Variants in AGTPBP1 observed in about 807,000 individuals in gnomAD.
AGTPBP1 encodes the protein cytosolic carboxypeptidase 1.
A neutral mutation model predicts 143.9 loss-of-function variants in AGTPBP1; 70 were observed. That is an observed-to-expected ratio of 0.49 (90% confidence interval 0.40 to 0.59). AGTPBP1 has a LOEUF of 0.59. Ranked by LOEUF, AGTPBP1 falls within the 20% of genes least tolerant of loss-of-function variation. AGTPBP1 has a pLI of 0.00. For synonymous variants in AGTPBP1, 463 were observed against 500.2 expected, an observed-to-expected ratio of 0.93 and a Z score of 0.99; for missense variants, 1,229 against 1,464.5, an observed-to-expected ratio of 0.84 and a Z score of 2.62.
chr9:85,789,364 A>G, the AGTPBP1 span, among the ~76,000 whole-genome samples: 2 of 152,186 alleles, frequency 1.3e-5, no homozygotes, highest in Non-Finnish European at 2.9e-5. Context: ...ACTTTTTCAC[A>G]TGCTTTTTCT....
At chr9:85,714,042 A>G (rs2134510184) in intron 1 of AGTPBP1, among the ~76,000 whole-genome samples, 1 of 152,346 alleles carries the variant, frequency 6.6e-6, no homozygotes, top group Admixed American at 6.5e-5. Flanking sequence ...GGATTTTACT[A>G]GAGTTGATAG....
intron 8 of AGTPBP1, among the ~76,000 whole-genome samples, chr9:85,662,124 G>A (rs2041787981): frequency 6.6e-6 from 1 of 152,060 alleles, no homozygotes; most frequent in South Asian, 2.1e-4. Flanking sequence ...CTAGGTGTAG[G>A]TAAAGGTAAA....
At chr9:85,751,767 C>T in the AGTPBP1 span, among the ~76,000 whole-genome samples, 3 of 151,902 alleles carry the variant, frequency 2.0e-5, no homozygotes, top group African/African-American at 7.2e-5. Context: ...GGCACACGCC[C>T]GGCTAATTTT....
At chr9:85,604,927 C>T (rs907887261) in intron 17 of AGTPBP1, among the ~76,000 whole-genome samples, 1 of 151,876 alleles carries the variant, frequency 6.6e-6, no homozygotes, top group Non-Finnish European at 1.5e-5. Context: ...TATTTGAAAA[C>T]ACACAGAGAA....
chr9:85,591,258 G>C (rs1828946916), intron 19 of AGTPBP1, among the ~76,000 whole-genome samples: 2 of 151,818 alleles, frequency 1.3e-5, no homozygotes, highest in Non-Finnish European at 2.9e-5. Flanking sequence ...CACACAAAGG[G>C]CAAGGGAAAT....
chr9:85,657,317 G>A (rs75488451), intron 10 of AGTPBP1, 118 bp downstream of exon 10: 19,178 of 933,842 alleles, frequency 0.021, 243 homozygotes, highest in Middle Eastern at 0.033. Context: ...TAAGATTTTC[G>A]AAAAATGCAT....
At chr9:85,708,178 C>T (rs1302396067) in intron 2 of AGTPBP1, among the ~76,000 whole-genome samples, 1 of 152,164 alleles carries the variant, frequency 6.6e-6, no homozygotes, top group East Asian at 1.9e-4. Flanking sequence ...TTCATTGGCT[C>T]ATGGCCTCTT....
chr9:85,606,775 T>C (rs1354983694), intron 17 of AGTPBP1, among the ~76,000 whole-genome samples: 1 of 152,174 alleles, frequency 6.6e-6, no homozygotes, highest in Middle Eastern at 3.4e-3. Flanking sequence ...TGGAAGTCTT[T>C]ATGTCAAGTG....
At chr9:85,761,300 G>C in the AGTPBP1 span, among the ~76,000 whole-genome samples, 2 of 152,210 alleles carry the variant, frequency 1.3e-5, no homozygotes, top group African/African-American at 4.8e-5. Context: ...AACCAAGAAA[G>C]AGCCCACATT....
At chr9:85,697,460 T>G (rs1209690148) in intron 2 of AGTPBP1, among the ~76,000 whole-genome samples, 117 of 136,634 alleles carry the variant, frequency 8.6e-4, no homozygotes, top group Middle Eastern at 3.6e-3. Context: ...TTTTTTTTTT[T>G]TTTTTTTTTT....
chr9:85,627,122 C>T (rs1831350453), intron 14 of AGTPBP1, among the ~76,000 whole-genome samples: 1 of 152,176 alleles, frequency 6.6e-6, no homozygotes, highest in Non-Finnish European at 1.5e-5. Context: ...CTTAGCTGTA[C>T]TACATGTGAC....
chr9:85,798,650 C>A, the AGTPBP1 span, among the ~76,000 whole-genome samples: 1 of 152,090 alleles, frequency 6.6e-6, no homozygotes, highest in Non-Finnish European at 1.5e-5. Context: ...TTACACCACA[C>A]CTGGCCTCTA....
At chr9:85,663,311 G>A (rs1833947829) in intron 8 of AGTPBP1, among the ~76,000 whole-genome samples, 2 of 152,106 alleles carry the variant, frequency 1.3e-5, no homozygotes, top group Admixed American at 6.6e-5. Flanking sequence ...TGAGAACAGT[G>A]CCTATATCCA....
Position 85,592,475 on chromosome 9 carries a change from TTA to T in AGTPBP1, c.2568+83_2568+84del, listed in dbSNP as rs1433235004. The stretch of plus-strand genomic sequence containing the variant: ...CTAAACTCAATTATTATCATTATCC[TTA>T]TGTTAGAATATTTAACTAAACTCAA... On this transcript the variant is annotated intron_variant, in intron 19 of 25. Transcript: ENST00000357081. The T allele has an allele frequency of 6.6e-5, 60 of 904,682 alleles. No individual in the cohort carries two copies. The Middle Eastern group carries it at 1.4e-3, about 21-fold the overall frequency. 56.0% of individuals were successfully genotyped at this position (904,682 alleles called of 1,614,324 possible). A position where few individuals can be genotyped will look rare whatever the true frequency, so the allele number is the denominator to read the frequency against.
chr9:85,759,272 T>A, the AGTPBP1 span, among the ~76,000 whole-genome samples: 8 of 152,176 alleles, frequency 5.3e-5, no homozygotes, highest in African/African-American at 1.9e-4. Context: ...CAAGCAGACC[T>A]AATAGACATC....
At chr9:85,780,875 G>C in the AGTPBP1 span, among the ~76,000 whole-genome samples, 4 of 152,166 alleles carry the variant, frequency 2.6e-5, no homozygotes, top group African/African-American at 9.7e-5. Flanking sequence ...CCAGCACTTT[G>C]GGAAGCCAAG....
At chr9:85,741,963 C>T, upstream of AGTPBP1, 1 of 1,254,526 alleles carries the variant, frequency 8.0e-7, no homozygotes, top group Non-Finnish European at 1.0e-6. Flanking sequence ...CTGTCCGCAT[C>T]CCGGGCAACG....
chr9:85,596,435 T>C lies in AGTPBP1; in HGVS notation c.2350A>G (p.Met784Val), dbSNP rs372848034. The change falls in exon 18 of 26, where the codon ATG becomes GTG. Residue 784 changes from methionine to valine, a missense_variant. Physicochemically the swap from Met to Val is conservative, Grantham distance 21. Around this residue, in one of 2 missense-constraint regions of AGTPBP1, gnomAD observed 486 missense variants for 652.3 expected, o/e 0.75. Transcript: ENST00000357081. ...TTTAATGCTTCCTGAACCGAATACA[T>C]GAGTGGTTGCATACCTTTGAAAGAG... ...SQFNYGMQPL[M>V]YSVQEALNAR... The C allele has an allele frequency of 8.7e-6, 14 of 1,604,948 alleles. No individual in the cohort carries two copies. The African/African-American group carries it at 1.7e-4, about 20-fold the overall frequency.
chr9:85,753,518 C>G, the AGTPBP1 span: 1 of 1,512,652 alleles, frequency 6.6e-7, no homozygotes, highest in Non-Finnish European at 9.0e-7. Context: ...CTTTGGGACG[C>G]TGAGGTGGGT....
Sources: allele counts gnomAD v4.1 joint callset (sites outside exome capture counted in the v4.1 genomes callset), GRCh38; gene constraint gnomAD v4.1.1; regional missense constraint gnomAD v4.1.1; transcripts MANE v1.5; gene names NCBI Gene and HGNC (gene_info 2026-07-23, HGNC 2026-07-21).